Variants in GPHN observed in about 807,000 individuals in gnomAD.
GPHN encodes gephyrin.
Under a neutral mutation model 95.5 loss-of-function variants are expected in GPHN, and 17 were observed. The observed-to-expected ratio is 0.18, with a 90% CI of 0.12 to 0.27. GPHN has a LOEUF of 0.27. Among genes scored for constraint, GPHN ranks in the 10% least tolerant of loss-of-function variants. GPHN has a pLI of 1.00. For missense variants in GPHN, 660 were observed against 978.1 expected, an observed-to-expected ratio of 0.67 and a Z score of 4.34; for synonymous variants, 320 against 322.5, an observed-to-expected ratio of 0.99 and a Z score of 0.08.
the GPHN span, among the ~76,000 whole-genome samples, chr14:67,489,943 C>T: frequency 2.6e-5 from 4 of 151,558 alleles, no homozygotes; most frequent in South Asian, 2.1e-4. Flanking sequence ...TGATCTGAGA[C>T]CACGCCACTG....
intron 16 of GPHN, among the ~76,000 whole-genome samples, chr14:67,120,851 AT>A (rs1157268846): frequency 1.3e-5 from 2 of 152,222 alleles, no homozygotes; most frequent in African/African-American, 4.8e-5. Flanking sequence ...ATTAAGTTAA[AT>A]TAGTAAGTAT....
chr14:67,464,230 G>A, the GPHN span, among the ~76,000 whole-genome samples: 4 of 152,250 alleles, frequency 2.6e-5, no homozygotes, highest in South Asian at 2.1e-4. Flanking sequence ...TTCCAGTCCC[G>A]CTGACCGCAA....
the GPHN span, among the ~76,000 whole-genome samples, chr14:67,492,727 C>A: frequency 6.6e-6 from 1 of 152,216 alleles, no homozygotes; most frequent in Non-Finnish European, 1.5e-5. Context: ...TTCTAAACAA[C>A]AAGGGAACTT....
chr14:66,589,988 A>G (rs1034993839), intron 1 of GPHN, among the ~76,000 whole-genome samples: 1 of 152,226 alleles, frequency 6.6e-6, no homozygotes, highest in Non-Finnish European at 1.5e-5. Context: ...CTCAGACCAC[A>G]GTACAATCAA....
At chr14:66,821,310 T>G (rs1004501317) in intron 3 of GPHN, among the ~76,000 whole-genome samples, 1 of 152,236 alleles carries the variant, frequency 6.6e-6, no homozygotes, top group Non-Finnish European at 1.5e-5. Context: ...TAGTTCAGTT[T>G]AATATGTATA....
chr14:66,601,223 C>G (rs977429712), intron 1 of GPHN, among the ~76,000 whole-genome samples: 1 of 151,892 alleles, frequency 6.6e-6, no homozygotes, highest in African/African-American at 2.4e-5. Flanking sequence ...GCTCAAATAA[C>G]TAAATTTAAG....
At chr14:66,732,761 C>T (rs2071897510) in intron 2 of GPHN, among the ~76,000 whole-genome samples, 1 of 152,172 alleles carries the variant, frequency 6.6e-6, no homozygotes, top group Admixed American at 6.5e-5. Context: ...GTGATCCACC[C>T]CCCTCGGCCT....
intron 5 of GPHN, among the ~76,000 whole-genome samples, chr14:66,901,497 A>G (rs2065129512): frequency 6.6e-6 from 1 of 152,008 alleles, no homozygotes; most frequent in African/African-American, 2.4e-5. Flanking sequence ...TTCTTCTAGT[A>G]GTTTCATGTT....
At chr14:67,638,314 A>C in the GPHN span, among the ~76,000 whole-genome samples, 513 of 152,212 alleles carry the variant, frequency 3.4e-3, 4 homozygotes, top group Non-Finnish European at 5.9e-3. Flanking sequence ...ACTTGAGCCC[A>C]GGAGTTGGAG....
the GPHN span, chr14:67,301,339 C>A: frequency 7.8e-7 from 1 of 1,281,446 alleles, no homozygotes; most frequent in Non-Finnish European, 1.1e-6. Flanking sequence ...ACAGGTGCTA[C>A]TGATACTTCC....
chr14:66,530,558 T>C (rs1047859501), intron 1 of GPHN, among the ~76,000 whole-genome samples: 1 of 151,990 alleles, frequency 6.6e-6, no homozygotes, highest in African/African-American at 2.4e-5. Flanking sequence ...GACCACTCAG[T>C]TTTCTGTTGA....
rs569763873 is a variant in GPHN at position 66,530,953 on chromosome 14, A to ATTTTTTTTT, written c.64+22374_64+22382dup. On this transcript the variant is annotated intron_variant, in intron 1 of 22. Transcript: ENST00000478722. The stretch of plus-strand genomic sequence containing the variant: ...CACTGTTTTCTTGTTTGTTTGTTAG[A>ATTTTTTTTT]TTTTTTTTTTTTTTTTTTTTGATAC... Among the ~76,000 whole-genome samples the ATTTTTTTTT allele has an allele frequency of 1.5e-3, 179 of 121,154 alleles. 6 individuals carry two copies. The highest frequency in any genetic ancestry group is 5.6e-3 in the African/African-American group (171 of 30,702). The allele number at this position is 121,154 out of a possible 152,430, so 79.5% of individuals were successfully genotyped here. A position where few individuals can be genotyped will look rare whatever the true frequency, so the allele number is the denominator to read the frequency against.
chr14:66,544,744 A>G (rs2059472923), intron 1 of GPHN, among the ~76,000 whole-genome samples: 1 of 152,084 alleles, frequency 6.6e-6, no homozygotes. Flanking sequence ...GGCCTTCCGC[A>G]GTGTTTGTGT....
the GPHN span, among the ~76,000 whole-genome samples, chr14:67,683,648 A>G: frequency 5.3e-5 from 8 of 152,198 alleles, no homozygotes; most frequent in Admixed American, 4.6e-4. Context: ...AGGAGATCCA[A>G]TGCTTCCTCC....
At chr14:67,434,817 T>C in the GPHN span, among the ~76,000 whole-genome samples, 5 of 152,238 alleles carry the variant, frequency 3.3e-5, no homozygotes, top group East Asian at 7.7e-4. Flanking sequence ...TGTTATTGAG[T>C]TGAGAAGTCC....
At chr14:67,370,716 A>G in the GPHN span, among the ~76,000 whole-genome samples, 1 of 152,182 alleles carries the variant, frequency 6.6e-6, no homozygotes, top group East Asian at 1.9e-4. Context: ...TTATTGTAAA[A>G]AATCTTTTCA....
At chr14:66,905,769 T>A (rs2065349028) in intron 5 of GPHN, among the ~76,000 whole-genome samples, 2 of 152,106 alleles carry the variant, frequency 1.3e-5, no homozygotes, top group South Asian at 2.1e-4. Context: ...ATTGTTCCCA[T>A]CTTTATGTCC....
At chr14:67,033,574 A>AT (rs2153631904) in intron 10 of GPHN, among the ~76,000 whole-genome samples, 1 of 149,124 alleles carries the variant, frequency 6.7e-6, no homozygotes, top group African/African-American at 2.5e-5. Flanking sequence ...AAAAAAAAAA[A>AT]GAATGCCAAA....
chr14:66,686,699 G>C (rs1294258588), intron 2 of GPHN, among the ~76,000 whole-genome samples: 1 of 152,204 alleles, frequency 6.6e-6, no homozygotes, highest in African/African-American at 2.4e-5. Flanking sequence ...TGTGCAAACA[G>C]GGACAATTTG....
Sources: gnomAD v4.1 joint callset for allele counts (sites outside exome capture counted in the v4.1 genomes callset) on GRCh38, gnomAD v4.1.1 for gene constraint, MANE v1.5 for transcripts, NCBI Gene and HGNC (gene_info 2026-07-23, HGNC 2026-07-21) for gene names.